ZNF81: variants seen among roughly 807,000 people sequenced by gnomAD.
The protein encoded by ZNF81 is zinc finger protein 81.
A neutral mutation model predicts 32.3 loss-of-function variants in ZNF81; 5 were observed. The observed-to-expected ratio is 0.15, with a 90% CI of 0.08 to 0.33. The LOEUF is 0.33. ZNF81 is among the 10% of genes least tolerant of loss of function. The probability of loss-of-function intolerance (pLI) is 1.00; values close to 1 mark genes in which losing one functional copy is unlikely to be tolerated. For missense variants in ZNF81, 379 were observed against 479.8 expected (o/e 0.79, Z 1.96); for synonymous variants, 163 against 166.8 (o/e 0.98, Z 0.17).
At chrX:47,869,557 C>T (rs1055488756) in intron 2 of ZNF81, among the ~76,000 whole-genome samples, 1 of 112,274 alleles carries the variant, frequency 8.9e-6, no homozygotes, top group African/African-American at 3.2e-5. Flanking sequence ...TCCAGAATAC[C>T]TCTTTTCAGT....
At chrX:47,897,455 C>A (rs782732963) in intron 4 of ZNF81, among the ~76,000 whole-genome samples, 6 of 111,877 alleles carry the variant, frequency 5.4e-5, no homozygotes, top group Non-Finnish European at 9.4e-5. Context: ...CTGGATACAA[C>A]TCCTTTGCCA....
At chrX:47,841,226 C>T in intron 1 of ZNF81, 1 of 743,808 alleles carries the variant, frequency 1.3e-6, no homozygotes, top group Non-Finnish European at 2.1e-6. Flanking sequence ...TTATTCTTGA[C>T]CTTGGCTTGT....
rs1556890975 is a variant in ZNF81, at chrX:47,916,622, T to C, written c.1976T>C (p.Ile659Thr). ...QKSVLSMHRN[I>T]HT ...TCAGTTCTCAGTATGCATCGCAATATTCATACATGAAAGTAATCCTGTTTC... is the reference window on the plus strand; with the variant it reads ...TCAGTTCTCAGTATGCATCGCAATACTCATACATGAAAGTAATCCTGTTTC... The change falls in exon 5 of 5, where the codon ATT (isoleucine) becomes ACT (threonine). Residue 659 changes from isoleucine to threonine, a missense_variant. By Grantham distance (89) the Ile-to-Thr change is moderately conservative. Around this residue, in one of 2 missense-constraint regions of ZNF81, gnomAD observed 102 missense variants for 173.2 expected, o/e 0.59. Transcript: ENST00000338637. 1.7e-5 allele frequency: 21 copies of C among 1,202,810 alleles called. No individual in the cohort carries two copies. The highest frequency in any genetic ancestry group is 2.4e-5 in the Non-Finnish European group (21 of 892,246).
At chrX:47,875,116 G>A (rs1393853935) in intron 2 of ZNF81, among the ~76,000 whole-genome samples, 5 of 111,455 alleles carry the variant, frequency 4.5e-5, no homozygotes, top group Admixed American at 1.9e-4. Flanking sequence ...TAAAGAGGTC[G>A]ATGCAAGGGG....
At chrX:47,900,347 A>C (rs968746765) in intron 4 of ZNF81, among the ~76,000 whole-genome samples, 3 of 111,774 alleles carry the variant, frequency 2.7e-5, no homozygotes, top group Non-Finnish European at 5.6e-5. Context: ...TGTAATTTGA[A>C]GGGAGAAATG....
chrX:47,916,152 A>G lies in ZNF81; in HGVS notation c.1506A>G (p.Glu502=). 1.7e-6 allele frequency: 2 copies of G among 1,211,754 alleles called. No homozygotes were observed. The highest frequency in any genetic ancestry group is 2.2e-6 in the Non-Finnish European group (2 of 895,511). The part of the protein sequence containing the change: ...HTGEKPYICT[E]CGKAFTNRSN... ...GAGAGAAACCCTATATATGCACTGAATGTGGGAAGGCTTTCACCAACAGGT... is the reference window on the plus strand; with the variant it reads ...GAGAGAAACCCTATATATGCACTGAGTGTGGGAAGGCTTTCACCAACAGGT... The change falls in exon 5 of 5, where the codon GAA becomes GAG. Residue 502 remains glutamate (E), a synonymous_variant. Transcript: ENST00000338637.
At chrX:47,905,226 T>TA (rs1569392024) in intron 4 of ZNF81, among the ~76,000 whole-genome samples, 3 of 61,751 alleles carry the variant, frequency 4.9e-5, no homozygotes, top group African/African-American at 1.6e-4. Context: ...TAATAAAATT[T>TA]TAAAAAAATC....
intron 4 of ZNF81, among the ~76,000 whole-genome samples, chrX:47,904,300 T>C (rs1276623760): frequency 5.6e-5 from 6 of 107,743 alleles, no homozygotes; most frequent in Non-Finnish European, 9.6e-5. Context: ...AGAAAATTTT[T>C]GCAACCTACT....
Position 47,920,228 on chromosome X carries a change from A to T in ZNF81, c.*3596A>T, listed in dbSNP as rs1034168810. ...CCCAGAGAATTTTTATTTTTCCCAG[A>T]CCACACTTGCCTTTAGGCCTGTAGG... On this transcript the variant is annotated 3_prime_UTR_variant, in exon 5 of 5. Transcript: ENST00000338637. 8.9e-6 allele frequency: 1 copy of T among 111,842 alleles called. No homozygotes were observed. Among genetic ancestry groups the T allele is most frequent in the Admixed American group, 9.4e-5 (1 of 10,590 alleles). The allele number at this position is 111,842 out of a possible 1,213,427, so 9.2% of individuals were successfully genotyped here.
At chrX:47,842,349 A>G (rs2058453006) in intron 1 of ZNF81, among the ~76,000 whole-genome samples, 1 of 111,611 alleles carries the variant, frequency 9.0e-6, no homozygotes, top group African/African-American at 3.3e-5. Flanking sequence ...GTCCGTTAAC[A>G]GGAATGGCTT....
At chrX:47,857,514 A>G (rs1334633797) in intron 2 of ZNF81, among the ~76,000 whole-genome samples, 6 of 112,141 alleles carry the variant, frequency 5.4e-5, no homozygotes, top group Non-Finnish European at 7.5e-5. Context: ...ACGGAAAATT[A>G]TAGATTTGAA....
intron 2 of ZNF81, among the ~76,000 whole-genome samples, chrX:47,850,891 G>GCACACACACA (rs782209480): frequency 4.5e-4 from 24 of 53,422 alleles, no homozygotes; most frequent in South Asian, 1.1e-3. Context: ...AGGCACGCGC[G>GCACACACACA]CACACACACA....
chrX:47,874,248 C>T (rs1556884255), intron 2 of ZNF81, among the ~76,000 whole-genome samples: 1 of 112,246 alleles, frequency 8.9e-6, no homozygotes, highest in African/African-American at 3.2e-5. Context: ...CAAGTATGGG[C>T]ATTAGCAACC....
Position 47,877,273 on chromosome X carries a change from C to T in ZNF81, c.55-10726C>T, listed in dbSNP as rs782532566. Among the ~76,000 whole-genome samples the T allele has an allele frequency of 4.5e-5, 5 of 111,537 alleles. No individual in the cohort carries two copies. The East Asian group carries it at 1.4e-3, about 32-fold the overall frequency. On this transcript the variant is annotated intron_variant, in intron 2 of 4. Transcript: ENST00000338637. ...CCAACCAAGCCTTAGAAGTCTGAGT[C>T]CCTCCCTTCCCTGAAGTTCTCCAGC...
chrX:47,908,496 G>A (rs2058728453), intron 4 of ZNF81, among the ~76,000 whole-genome samples: 1 of 111,879 alleles, frequency 8.9e-6, no homozygotes, highest in Non-Finnish European at 1.9e-5. Flanking sequence ...AACACTAAAT[G>A]TACACCAATT....
At chrX:47,848,785 A>G (rs2058481825) in intron 2 of ZNF81, among the ~76,000 whole-genome samples, 1 of 111,471 alleles carries the variant, frequency 9.0e-6, no homozygotes, top group African/African-American at 3.3e-5. Context: ...TAATGCAGAT[A>G]TTCTAAAATC....
chrX:47,919,926 T>C lies in ZNF81; in HGVS notation c.*3294T>C, dbSNP rs1304050649. The C allele has an allele frequency of 1.8e-5, 2 of 112,245 alleles. No homozygotes were observed. The highest frequency in any genetic ancestry group is 6.5e-5 in the African/African-American group (2 of 30,863). The allele number at this position is 112,245 out of a possible 1,213,427, so 9.3% of individuals were successfully genotyped here. On this transcript the variant is annotated 3_prime_UTR_variant, in exon 5 of 5. Coordinates refer to ENST00000338637, the MANE Select transcript of ZNF81 (RefSeq NM_007137.5). ...AACTACTAGGTCAACTGAGTCTAGG[T>C]CTGTTGTTGTCTTCTCTTGCTCTTT...
At chrX:47,837,692 T>G (rs2058431026) in intron 1 of ZNF81, among the ~76,000 whole-genome samples, 1 of 112,603 alleles carries the variant, frequency 8.9e-6, no homozygotes, top group Non-Finnish European at 1.9e-5. Flanking sequence ...GGGCTCTTTC[T>G]GGGTTTGCTA....
At chrX:47,864,495 G>A (rs917755725) in intron 2 of ZNF81, among the ~76,000 whole-genome samples, 3 of 111,819 alleles carry the variant, frequency 2.7e-5, no homozygotes, top group Non-Finnish European at 5.6e-5. Flanking sequence ...AATTTGCCAG[G>A]AGTGAGTGGG....
Sources: gnomAD v4.1 joint callset for allele counts (sites outside exome capture counted in the v4.1 genomes callset) on GRCh38, gnomAD v4.1.1 for gene constraint, gnomAD v4.1.1 regional missense constraint, MANE v1.5 for transcripts, NCBI Gene and HGNC (gene_info 2026-07-23, HGNC 2026-07-21) for gene names.